Variants in SPG11 observed in about 807,000 individuals in gnomAD.
The protein encoded by SPG11 is SPG11 vesicle trafficking associated, spatacsin, also known as spatacsin.
Under a neutral mutation model 274.0 loss-of-function variants are expected in SPG11, and 222 were observed. The observed-to-expected ratio is 0.81, with a 90% CI of 0.73 to 0.91. The LOEUF is 0.91. Among genes scored for constraint, SPG11 ranks in the 40% least tolerant of loss-of-function variants. SPG11 has a pLI of 0.00. For missense variants in SPG11, 3,114 were observed against 2,872.7 expected, an observed-to-expected ratio of 1.08 and a Z score of -1.92; for synonymous variants, 1,144 against 1,039.7, an observed-to-expected ratio of 1.10 and a Z score of -1.93.
At chr15:44,588,576 A>C (rs2082826833) in intron 28 of SPG11, 1 of 368,624 alleles carries the variant, frequency 2.7e-6, no homozygotes, top group Non-Finnish European at 5.6e-6. Context: ...CCTTCTCAGA[A>C]GGCTGGGCCG....
At chr15:44,596,746 A>G in intron 24 of SPG11, 38 bp downstream of exon 24, 1 of 1,450,500 alleles carries the variant, frequency 6.9e-7, no homozygotes, top group Non-Finnish European at 9.3e-7. Flanking sequence ...AAGTGTTCCT[A>G]TTTCCTTTTG....
At position 44,614,993 on chromosome 15, in the gene SPG11, T is replaced by A. The variant is rs572861188; in HGVS notation, c.3038+370A>T. Among the ~76,000 whole-genome samples the A allele has an allele frequency of 5.3e-5, 8 of 152,326 alleles. No individual in the cohort carries two copies. The South Asian group carries it at 1.7e-3, about 32-fold the overall frequency. On this transcript the variant is annotated intron_variant, in intron 16 of 39. Coordinates refer to ENST00000261866, the MANE Select transcript of SPG11 (RefSeq NM_025137.4). The stretch of plus-strand genomic sequence containing the variant: ...ATATACCTTGAAAGTGAAATACAGT[T>A]TGCTATGAAATCAAAGTTGCTTAGC...
In SPG11 at chr15:44,584,069, C is replaced by A; in HGVS notation, c.5611G>T (p.Asp1871Tyr). Residue 1871 changes from aspartate to tyrosine, a missense_variant, in exon 30 of 40, where the codon GAT becomes TAT. By Grantham distance (160) the Asp-to-Tyr change is radical. Transcript: ENST00000261866. ...TTTAGTGACTCCTGCTCTTTCCAAT[C>A]CAATCTATTCTCGCATGTCTCTTTG... Reference protein sequence around the residue: ...PSKETCENRLDWKEQESLNFL... With the variant: ...PSKETCENRLYWKEQESLNFL... The A allele has an allele frequency of 6.2e-7, 1 of 1,614,260 alleles. No homozygotes were observed. The highest frequency in any genetic ancestry group is 8.5e-7 in the Non-Finnish European group (1 of 1,180,052).
At chr15:44,651,069 C>T (rs1005475128) in intron 6 of SPG11, among the ~76,000 whole-genome samples, 3 of 152,076 alleles carry the variant, frequency 2.0e-5, no homozygotes, top group African/African-American at 4.8e-5. Flanking sequence ...TTTTCAGTAA[C>T]AGCTGGAAAT....
chr15:44,662,890 A>T (rs1278712390), intron 1 of SPG11, among the ~76,000 whole-genome samples: 4 of 152,220 alleles, frequency 2.6e-5, no homozygotes, highest in Non-Finnish European at 5.9e-5. Flanking sequence ...TTGCTGAATA[A>T]ATGAAGGGAC....
intron 20 of SPG11, among the ~76,000 whole-genome samples, chr15:44,601,895 TC>T (rs1331637979): frequency 1.3e-5 from 2 of 152,202 alleles, no homozygotes; most frequent in Non-Finnish European, 2.9e-5. Context: ...CCAGCCTCTT[TC>T]ACCAATGTTT....
rs762755586 is a variant in SPG11, at chr15:44,592,331, C to T, written c.4743G>A (p.Thr1581=). ...KLLEFQKSLE[T]LNTAATKVHP... ...AAAGAGCACCATAATTCCAACTTAC[C>T]GTTTCAAGGCTCTTCTGAAACTCCA... The change falls in exon 27 of 40, where the codon ACG becomes ACA. Residue 1581 remains threonine, a splice_region_variant and synonymous_variant. Coordinates refer to ENST00000261866, the MANE Select transcript of SPG11 (RefSeq NM_025137.4). 7.6e-6 allele frequency: 12 copies of T among 1,577,254 alleles called. No homozygotes were observed. The highest frequency in any genetic ancestry group is 2.2e-5 in the East Asian group (1 of 44,700).
At chr15:44,616,129 T>C (rs1213522564) in intron 15 of SPG11, among the ~76,000 whole-genome samples, 1 of 152,072 alleles carries the variant, frequency 6.6e-6, no homozygotes, top group Non-Finnish European at 1.5e-5. Flanking sequence ...GCCCTTGGTA[T>C]ATTCCTTCCC....
At chr15:44,601,211 G>C (rs1268390305) in intron 20 of SPG11, among the ~76,000 whole-genome samples, 2 of 149,252 alleles carry the variant, frequency 1.3e-5, no homozygotes, top group Non-Finnish European at 2.9e-5. Flanking sequence ...GCGTGACCTT[G>C]AGCAACTTAT....
chr15:44,653,284 A>G (rs1282629156), intron 4 of SPG11, among the ~76,000 whole-genome samples: 1 of 152,214 alleles, frequency 6.6e-6, no homozygotes, highest in Non-Finnish European at 1.5e-5. Flanking sequence ...TATCTCTTTG[A>G]ACACTTACAT....
intron 33 of SPG11, among the ~76,000 whole-genome samples, chr15:44,570,992 A>G (rs2082411994): frequency 6.6e-6 from 1 of 152,208 alleles, no homozygotes; most frequent in Non-Finnish European, 1.5e-5. Context: ...TCCTGCCAAC[A>G]TGAATCCAAG....
Position 44,567,468 on chromosome 15 carries a change from G to T in SPG11, c.6710C>A (p.Ala2237Glu). Residue 2237 changes from alanine to glutamate, a missense_variant, in exon 36 of 40, where the codon GCA (alanine) becomes GAA (glutamate). Physicochemically the swap from Ala to Glu is moderately radical, Grantham distance 107 (BLOSUM62 -1). Transcript: ENST00000261866. ...MCREIGENHE[A>E]AARIQLKLIE... ...CAATTTCAGTTGGATGCGGGCAGCT[G>T]CCTCGTGGTTCTCGCCAATCTCCCG... is the stretch of plus-strand genomic sequence containing the variant. 1 of 1,613,996 alleles carries T rather than the reference G, an allele frequency of 6.2e-7. No homozygotes were observed. The highest frequency in any genetic ancestry group is 1.3e-5 in the African/African-American group (1 of 75,024).
intron 15 of SPG11, among the ~76,000 whole-genome samples, chr15:44,616,344 G>A (rs559227498): frequency 1.3e-5 from 2 of 151,750 alleles, no homozygotes; most frequent in South Asian, 2.1e-4. Flanking sequence ...TAGCTGGGAC[G>A]ACAGGCATGT....
intron 7 of SPG11, among the ~76,000 whole-genome samples, chr15:44,636,855 G>A (rs1453373082): frequency 6.8e-6 from 1 of 147,472 alleles, no homozygotes; most frequent in African/African-American, 2.5e-5. Context: ...GAACCCAGGA[G>A]GCAGGGGTTG....
chr15:44,567,705 G>A (rs1042980454), intron 35 of SPG11, 113 bp from the exon 36 acceptor site: 22 of 1,041,610 alleles, frequency 2.1e-5, no homozygotes, highest in African/African-American at 6.3e-5. Context: ...AAGAAGAGGA[G>A]CAAAAATGAG....
chr15:44,623,712 A>G (rs941194154), intron 11 of SPG11, among the ~76,000 whole-genome samples: 1 of 152,094 alleles, frequency 6.6e-6, no homozygotes, highest in Non-Finnish European at 1.5e-5. Flanking sequence ...GAGAAACACT[A>G]TCTCCTCCTA....
At chr15:44,589,158 A>C in intron 28 of SPG11, 94 bp downstream of exon 28, 2 of 1,284,550 alleles carry the variant, frequency 1.6e-6, no homozygotes, top group Non-Finnish European at 2.2e-6. Flanking sequence ...TTAATGTTAC[A>C]TGCATTTTAA....
intron 8 of SPG11, among the ~76,000 whole-genome samples, chr15:44,632,573 C>T (rs1366975883): frequency 6.6e-6 from 1 of 150,804 alleles, no homozygotes; most frequent in Non-Finnish European, 1.5e-5. Flanking sequence ...TGCAGTGGCA[C>T]AATCATAGAT....
intron 29 of SPG11, 117 bp downstream of exon 29, chr15:44,585,518 CA>C: frequency 1.3e-6 from 1 of 777,578 alleles, no homozygotes; most frequent in South Asian, 1.5e-5. Context: ...AGGAGAATTG[CA>C]TGAACCCGAG....
Sources: gnomAD v4.1 joint callset for allele counts (sites outside exome capture counted in the v4.1 genomes callset) on GRCh38, gnomAD v4.1.1 for gene constraint, MANE v1.5 for transcripts, NCBI Gene and HGNC (gene_info 2026-07-23, HGNC 2026-07-21) for gene names.